Variants in MNAT1 observed in about 807,000 individuals in gnomAD.
MNAT1 encodes CDK-activating kinase assembly factor MAT1.
Under a neutral mutation model 42.0 loss-of-function variants are expected in MNAT1, and 43 were observed. The ratio of observed to expected loss-of-function variants is 1.02; its 90% CI spans 0.80 to 1.32. The LOEUF is 1.32. Among genes scored for constraint, MNAT1 ranks in the 40% most tolerant of loss-of-function variants. The pLI is 0.00. For synonymous variants in MNAT1, 118 were observed against 120.0 expected (o/e 0.98, Z 0.11); for missense variants, 306 against 350.4 (o/e 0.87, Z 1.01).
rs180736381 is a variant in MNAT1 at position 60,902,732 on chromosome 14, T to C, written c.809+22897T>C. Among the ~76,000 whole-genome samples, 23 of 152,274 alleles carry C rather than the reference T, an allele frequency of 1.5e-4. No homozygotes were observed. The East Asian group carries it at 3.5e-3, about 23-fold the overall frequency. On this transcript the variant is annotated intron_variant, in intron 7 of 7. Transcript: ENST00000261245. ...ATTTAAAATATACTTAGTTTTTATA[T>C]ATATCACACATTTCTTGGAAATTAA...
chr14:60,750,883 A>T (rs757287607), intron 1 of MNAT1, among the ~76,000 whole-genome samples: 2 of 152,182 alleles, frequency 1.3e-5, no homozygotes, highest in Non-Finnish European at 2.9e-5. Flanking sequence ...CACTGAAGAG[A>T]AATTATCTAA....
At chr14:60,967,502 T>A (rs888446022) in intron 7 of MNAT1, among the ~76,000 whole-genome samples, 2 of 151,104 alleles carry the variant, frequency 1.3e-5, no homozygotes, top group African/African-American at 2.5e-5. Context: ...GATTGTCCAA[T>A]GTTTTTTAGG....
At chr14:60,844,811 G>A (rs1028406704) in intron 6 of MNAT1, among the ~76,000 whole-genome samples, 1 of 151,982 alleles carries the variant, frequency 6.6e-6, no homozygotes, top group Admixed American at 6.6e-5. Flanking sequence ...TCCATTTCTA[G>A]AGTACTGAAA....
At chr14:60,760,203 A>G (rs1335672329) in intron 1 of MNAT1, among the ~76,000 whole-genome samples, 1 of 151,244 alleles carries the variant, frequency 6.6e-6, no homozygotes, top group Non-Finnish European at 1.5e-5. Context: ...TTTTTTTTTC[A>G]GTTAGTGGTA....
intron 7 of MNAT1, among the ~76,000 whole-genome samples, chr14:60,931,378 T>C (rs1161132100): frequency 6.6e-6 from 1 of 152,158 alleles, no homozygotes; most frequent in Admixed American, 6.6e-5. Context: ...TACTCACTTT[T>C]GTTGCCTGTG....
intron 7 of MNAT1, among the ~76,000 whole-genome samples, chr14:60,923,485 C>A (rs1202941015): frequency 6.6e-6 from 1 of 152,164 alleles, no homozygotes; most frequent in Non-Finnish European, 1.5e-5. Flanking sequence ...CTTATCTTTA[C>A]ATTTTATACT....
intron 7 of MNAT1, among the ~76,000 whole-genome samples, chr14:60,967,189 C>G (rs1029594428): frequency 3.3e-5 from 5 of 152,084 alleles, no homozygotes; most frequent in Admixed American, 6.5e-5. Context: ...TTTAGCTACA[C>G]AGGTTTATTA....
intron 1 of MNAT1, among the ~76,000 whole-genome samples, chr14:60,749,667 C>CCT (rs2029987567): frequency 6.6e-6 from 1 of 152,074 alleles, no homozygotes; most frequent in South Asian, 2.1e-4. Flanking sequence ...AGTAAATTTA[C>CCT]TCTATAAAGA....
intron 1 of MNAT1, among the ~76,000 whole-genome samples, chr14:60,794,107 A>G (rs2031921594): frequency 6.6e-6 from 1 of 152,178 alleles, no homozygotes; most frequent in Admixed American, 6.5e-5. Context: ...CTTGAGATAT[A>G]TTAATGTTAT....
intron 7 of MNAT1, among the ~76,000 whole-genome samples, chr14:60,915,271 AT>A (rs1324809284): frequency 1.3e-5 from 2 of 152,168 alleles, no homozygotes. Flanking sequence ...AGAAATGAAG[AT>A]TTAGCCATCT....
intron 7 of MNAT1, among the ~76,000 whole-genome samples, chr14:60,915,288 C>G (rs888827364): frequency 1.3e-5 from 2 of 152,128 alleles, no homozygotes; most frequent in Admixed American, 6.5e-5. Context: ...CATCTAAAAC[C>G]TCTTCTCTAC....
intron 7 of MNAT1, among the ~76,000 whole-genome samples, chr14:60,918,756 A>ATATATATATATATATATATATATATATT (rs1300123652): frequency 6.8e-6 from 1 of 147,918 alleles, no homozygotes; most frequent in East Asian, 2.0e-4. Context: ...ATATATATAT[A>ATATATATATATATATATATATATATATT]TTTTTGTCCT....
chr14:60,944,531 T>C (rs906272081), intron 7 of MNAT1, among the ~76,000 whole-genome samples: 4 of 152,198 alleles, frequency 2.6e-5, no homozygotes, highest in African/African-American at 9.7e-5. Flanking sequence ...TTTAAGCCAC[T>C]GAGTGTGTGG....
chr14:60,803,310 G>A (rs2032268739), intron 3 of MNAT1, among the ~76,000 whole-genome samples: 1 of 152,154 alleles, frequency 6.6e-6, no homozygotes, highest in Non-Finnish European at 1.5e-5. Context: ...ATAGTTAGAT[G>A]TCTGTGATAT....
At chr14:60,857,646 A>G (rs2033994008) in intron 6 of MNAT1, among the ~76,000 whole-genome samples, 2 of 152,156 alleles carry the variant, frequency 1.3e-5, no homozygotes, top group South Asian at 2.1e-4. Flanking sequence ...ACATAGGTAT[A>G]CATGTGCCAT....
At chr14:60,950,096 A>T (rs988816292) in intron 7 of MNAT1, among the ~76,000 whole-genome samples, 6 of 152,268 alleles carry the variant, frequency 3.9e-5, no homozygotes, top group African/African-American at 1.4e-4. Flanking sequence ...TTAGAGATTT[A>T]TCTAAGTTGT....
At chr14:60,954,386 C>T (rs1185087469) in intron 7 of MNAT1, among the ~76,000 whole-genome samples, 1 of 152,076 alleles carries the variant, frequency 6.6e-6, no homozygotes, top group African/African-American at 2.4e-5. Context: ...TTACTTTTGT[C>T]TCCAATGTCT....
rs1400682907 is a variant in MNAT1, at chr14:60,969,873, G to A, written c.*1524G>A. Reference sequence around the variant, plus strand: ...GAACTAATTAATAAAACATATCAAAGGCTTTTAAGGCTTGTTTTGAGCCTG... The same window carrying A: ...GAACTAATTAATAAAACATATCAAAAGCTTTTAAGGCTTGTTTTGAGCCTG... On this transcript the variant is annotated 3_prime_UTR_variant, in exon 8 of 8. Coordinates refer to ENST00000261245, the MANE Select transcript of MNAT1 (RefSeq NM_002431.4). 1 of 152,112 alleles carries A rather than the reference G, an allele frequency of 6.6e-6. No individual in the cohort carries two copies. Among genetic ancestry groups the A allele is most frequent in the Non-Finnish European group, 1.5e-5 (1 of 67,998 alleles). The allele number at this position is 152,112 out of a possible 1,614,324, so 9.4% of individuals were successfully genotyped here. A position where few individuals can be genotyped will look rare whatever the true frequency, so the allele number is the denominator to read the frequency against.
At chr14:60,885,678 G>C (rs1024519683) in intron 7 of MNAT1, among the ~76,000 whole-genome samples, 1 of 151,980 alleles carries the variant, frequency 6.6e-6, no homozygotes, top group Non-Finnish European at 1.5e-5. Flanking sequence ...TGGATGTATA[G>C]TTTGTATAGT....
Sources: gnomAD v4.1 joint callset for allele counts (sites outside exome capture counted in the v4.1 genomes callset) on GRCh38, gnomAD v4.1.1 for gene constraint, MANE v1.5 for transcripts, NCBI Gene and HGNC (gene_info 2026-07-23, HGNC 2026-07-21) for gene names.